RBM28: variants seen among roughly 807,000 people sequenced by gnomAD.
The protein encoded by RBM28 is RNA-binding protein 28.
RBM28 carries 78 observed loss-of-function variants against 98.3 expected under a neutral mutation model. That is an observed-to-expected ratio of 0.79 (90% CI 0.66 to 0.96). The LOEUF is 0.96. Ranked by LOEUF, RBM28 falls within the 40% of genes least tolerant of loss-of-function variation. RBM28 has a pLI of 0.00. For synonymous variants in RBM28, 306 were observed against 330.9 expected, an observed-to-expected ratio of 0.92 and a Z score of 0.82; for missense variants, 838 against 913.0, an observed-to-expected ratio of 0.92 and a Z score of 1.06.
In RBM28 at chr7:128,306,120, T is replaced by C. The variant is rs3750035; in HGVS notation, c.*4677A>G. On this transcript the variant is annotated 3_prime_UTR_variant, in exon 19 of 19. Transcript: ENST00000223073. ...AAGTAAGCCACAATGGCATATGCTT[T>C]GTCGAATGAGAGGGTACCAATCAGC... 0.25 allele frequency: 38,397 copies of C among 152,114 alleles called. 5,021 individuals carry two copies. Among genetic ancestry groups the C allele is most frequent in the Non-Finnish European group, 0.29 (20,053 of 67,978 alleles). The allele number at this position is 152,114 out of a possible 1,614,324, so 9.4% of individuals were successfully genotyped here.
In RBM28 at chr7:128,310,892, G is replaced by A. The variant is rs183368277; in HGVS notation, c.2185C>T (p.Arg729Cys). Residue 729 changes from arginine (R) to cysteine (C), a missense_variant, in exon 19 of 19, where the codon CGC (arginine) becomes TGC (cysteine). Transcript: ENST00000223073. ...KKAKGNKTET[R>C]FNQLVEQYKQ... ...TATTGTTCGACCAGCTGGTTGAAGC[G>A]GGTTTCCGTCTTATTTCCCTTAGCT... is the stretch of plus-strand genomic sequence containing the variant. 2.1e-4 allele frequency: 341 copies of A among 1,613,698 alleles called. No individual in the cohort carries two copies. The East Asian group carries it at 6.5e-3, about 31-fold the overall frequency.
chr7:128,314,953 T>G lies in RBM28; in HGVS notation c.1856A>C (p.Gln619Pro). 1 of 1,614,254 alleles carries G rather than the reference T, an allele frequency of 6.2e-7. No individual in the cohort carries two copies. The highest frequency in any genetic ancestry group is 8.5e-7 in the Non-Finnish European group (1 of 1,180,046). Residue 619 changes from glutamine to proline, a missense_variant, in exon 17 of 19, where the codon CAG becomes CCG. Coordinates refer to ENST00000223073, the MANE Select transcript of RBM28 (RefSeq NM_018077.3). ...QKGQPEPAKD[Q>P]QQKAAQHHTE... Reference sequence around the variant, plus strand: ...GTGGTGTTGAGCTGCCTTCTGTTGCTGGTCTTTTGCAGGCTCTGGTTGCCC... The same window carrying G: ...GTGGTGTTGAGCTGCCTTCTGTTGCGGGTCTTTTGCAGGCTCTGGTTGCCC...
chr7:128,298,178 C>T lies in RBM28; in HGVS notation c.*12619G>A, dbSNP rs1423979493. 1 of 152,070 alleles carries T rather than the reference C, an allele frequency of 6.6e-6. No individual in the cohort carries two copies. Among genetic ancestry groups the T allele is most frequent in the South Asian group, 2.1e-4 (1 of 4,818 alleles). The allele number at this position is 152,070 out of a possible 1,614,324, so 9.4% of individuals were successfully genotyped here. On this transcript the variant is annotated 3_prime_UTR_variant, in exon 19 of 19. Coordinates refer to ENST00000223073, the MANE Select transcript of RBM28 (RefSeq NM_018077.3). ...CGCACAGTTGAACATAGACCCTTAT[C>T]AGTAGTTCTGTTTTGCCTTTTGTCT...
rs1019938795 is a variant in RBM28, at chr7:128,307,093, A to G, written c.*3704T>C. 7 of 152,250 alleles carry G rather than the reference A, an allele frequency of 4.6e-5. No homozygotes were observed. The highest frequency in any genetic ancestry group is 2.0e-4 in the Admixed American group (3 of 15,282). 9.4% of individuals were successfully genotyped at this position (152,250 alleles called of 1,614,324 possible). A position where few individuals can be genotyped will look rare whatever the true frequency, so the allele number is the denominator to read the frequency against. ...GCCAATTAAGGCTGAGTTGAAAAGGAGCTGGGCATCATCAAACTGCAAACA... is the reference window on the plus strand; with the variant it reads ...GCCAATTAAGGCTGAGTTGAAAAGGGGCTGGGCATCATCAAACTGCAAACA... On this transcript the variant is annotated 3_prime_UTR_variant, in exon 19 of 19. Transcript: ENST00000223073.
At chr7:128,329,568 G>A (rs1351145862) in intron 10 of RBM28, among the ~76,000 whole-genome samples, 1 of 152,204 alleles carries the variant, frequency 6.6e-6, no homozygotes, top group African/African-American at 2.4e-5. Context: ...CACAGCTTTT[G>A]CTAGATCTCA....
At chr7:128,332,325 T>C (rs1460557953) in intron 9 of RBM28, among the ~76,000 whole-genome samples, 1 of 152,126 alleles carries the variant, frequency 6.6e-6, no homozygotes, top group Non-Finnish European at 1.5e-5. Context: ...ATCAATTTCC[T>C]AGAATGAACA....
intron 1 of RBM28, among the ~76,000 whole-genome samples, chr7:128,340,517 A>G (rs1396892156): frequency 1.3e-5 from 2 of 152,210 alleles, no homozygotes; most frequent in African/African-American, 4.8e-5. Context: ...TCCAGAACTT[A>G]AGAAATAAAT....
chr7:128,328,762 C>A (rs1480977494), intron 10 of RBM28, among the ~76,000 whole-genome samples: 1 of 152,106 alleles, frequency 6.6e-6, no homozygotes, highest in East Asian at 1.9e-4. Context: ...GGAAAAGATC[C>A]AAGTAGTATA....
intron 8 of RBM28, among the ~76,000 whole-genome samples, chr7:128,334,210 A>G (rs991293387): frequency 3.3e-5 from 5 of 152,248 alleles, no homozygotes; most frequent in Non-Finnish European, 7.3e-5. Flanking sequence ...ACATACAAAG[A>G]AAATATCTGG....
intron 1 of RBM28, among the ~76,000 whole-genome samples, chr7:128,342,469 G>A (rs973804249): frequency 5.3e-5 from 8 of 152,058 alleles, no homozygotes. Flanking sequence ...ATCACCTGAG[G>A]TCTCGAGTTC....
At chr7:128,328,946 CT>C (rs747646308) in intron 10 of RBM28, among the ~76,000 whole-genome samples, 1,782 of 140,078 alleles carry the variant, frequency 0.013, 8 homozygotes, top group African/African-American at 0.025. Flanking sequence ...TTATTCACAT[CT>C]TTTTTTTTTT....
intron 1 of RBM28, among the ~76,000 whole-genome samples, chr7:128,343,364 C>T (rs1796769920): frequency 6.6e-6 from 1 of 152,162 alleles, no homozygotes; most frequent in Admixed American, 6.5e-5. Context: ...AATGAGATAA[C>T]CTGTATCAAA....
chr7:128,313,396 T>C (rs1796030630), intron 17 of RBM28, 122 bp from the exon 18 acceptor site: 2 of 941,598 alleles, frequency 2.1e-6, no homozygotes, highest in African/African-American at 1.6e-5. Flanking sequence ...AAAGGGATAC[T>C]GCAACAGACC....
chr7:128,340,696 C>T (rs10261176), intron 1 of RBM28, among the ~76,000 whole-genome samples: 34,976 of 152,132 alleles, frequency 0.23, 4,410 homozygotes, highest in Middle Eastern at 0.37. Flanking sequence ...ACAATAAATA[C>T]TGCTCAGAGA....
chr7:128,315,094 G>A, intron 16 of RBM28, 74 bp from the exon 17 acceptor site: 1 of 1,585,244 alleles, frequency 6.3e-7, no homozygotes, highest in Non-Finnish European at 8.7e-7. Flanking sequence ...CAGAAGATGA[G>A]CTTTATGTGA....
chr7:128,324,746 G>C (rs1348715946), intron 11 of RBM28, 52 bp from the exon 12 acceptor site: 1 of 1,611,974 alleles, frequency 6.2e-7, no homozygotes, highest in Non-Finnish European at 8.5e-7. Flanking sequence ...GGGCACAGTG[G>C]CTCACACCTG....
chr7:128,335,663 C>T lies in RBM28; in HGVS notation c.826G>A (p.Ala276Thr), dbSNP rs760527493. The T allele has an allele frequency of 2.5e-6, 4 of 1,614,180 alleles. No individual in the cohort carries two copies. Among genetic ancestry groups the T allele is most frequent in the Non-Finnish European group, 2.5e-6 (3 of 1,180,036 alleles). The change falls in exon 8 of 19, where the codon GCC becomes ACC. Residue 276 changes from alanine to threonine, a missense_variant. Transcript: ENST00000223073. ...QIQKRAVKRP[A>T]PAKSSDHSEE... ...GAATGATCACTGCTTTTTGCAGGGGCTGGTCTCTTGACTGCTCTGCAATGG... is the reference window on the plus strand; with the variant it reads ...GAATGATCACTGCTTTTTGCAGGGGTTGGTCTCTTGACTGCTCTGCAATGG...
At chr7:128,321,505 A>G in intron 13 of RBM28, 81 bp from the exon 14 acceptor site, 1 of 1,543,766 alleles carries the variant, frequency 6.5e-7, no homozygotes, top group Non-Finnish European at 8.9e-7. Flanking sequence ...GGAAAGAATT[A>G]TGATCCTCAT....
At position 128,325,754 on chromosome 7, in the gene RBM28, AGAT is replaced by A. The variant is rs1796335411; in HGVS notation, c.1203+61_1203+63del. 27 of 1,069,582 alleles carry A rather than the reference AGAT, an allele frequency of 2.5e-5. No homozygotes were observed. In the East Asian group the frequency reaches 6.4e-4, roughly 25 times the overall value. 66.3% of individuals were successfully genotyped at this position (1,069,582 alleles called of 1,614,324 possible). A position where few individuals can be genotyped will look rare whatever the true frequency, so the allele number is the denominator to read the frequency against. ...AATAATAAAGCTTTGTATAAATACC[AGAT>A]GTTGCCCCTAAGAGCCAAACTGCCT... On this transcript the variant is annotated intron_variant, in intron 11 of 18. Transcript: ENST00000223073.
Sources: gnomAD v4.1 joint callset for allele counts (sites outside exome capture counted in the v4.1 genomes callset) on GRCh38, gnomAD v4.1.1 for gene constraint, MANE v1.5 for transcripts, NCBI Gene and HGNC (gene_info 2026-07-23, HGNC 2026-07-21) for gene names.